Variants in SIPA1L3 observed in about 807,000 individuals in gnomAD.
SIPA1L3 encodes signal-induced proliferation-associated 1-like protein 3.
Under a neutral mutation model 150.1 loss-of-function variants are expected in SIPA1L3, and 59 were observed. That is an observed-to-expected ratio of 0.39 (90% CI 0.32 to 0.49). The LOEUF is 0.49. SIPA1L3 is among the 20% of genes least tolerant of loss of function. The probability of loss-of-function intolerance (pLI) is 0.86; values close to 1 mark genes in which losing one functional copy is unlikely to be tolerated. For synonymous variants in SIPA1L3, 1,070 were observed against 1,077.6 expected, an observed-to-expected ratio of 0.99 and a Z score of 0.14; for missense variants, 2,211 against 2,489.5, an observed-to-expected ratio of 0.89 and a Z score of 2.38.
chr19:38,177,816 A>G (rs911438007), intron 15 of SIPA1L3, among the ~76,000 whole-genome samples: 1 of 152,192 alleles, frequency 6.6e-6, no homozygotes, highest in Non-Finnish European at 1.5e-5. Flanking sequence ...ACTTGAGGCC[A>G]GAAGTTCAAG....
At chr19:37,989,910 G>A (rs952054717) in intron 1 of SIPA1L3, among the ~76,000 whole-genome samples, 12 of 152,098 alleles carry the variant, frequency 7.9e-5, no homozygotes, top group Non-Finnish European at 1.6e-4. Context: ...TTGGCTTCCC[G>A]TGCACTCAGT....
chr19:38,144,242 A>G (rs1323243629), intron 12 of SIPA1L3, among the ~76,000 whole-genome samples: 1 of 152,258 alleles, frequency 6.6e-6, no homozygotes, highest in Non-Finnish European at 1.5e-5. Flanking sequence ...GTGCTTGCGC[A>G]CGTGCATGTA....
chr19:38,152,174 ACACACAGAGTTCTAGCCCAT>A (rs1351041193), intron 12 of SIPA1L3, among the ~76,000 whole-genome samples: 1 of 152,112 alleles, frequency 6.6e-6, no homozygotes, highest in Non-Finnish European at 1.5e-5. Flanking sequence ...GCGTGGTAGA[ACACACAGAGTTCTAGCCCAT>A]CAGCCAGGTG....
At chr19:38,037,944 C>T (rs1968827869) in intron 2 of SIPA1L3, among the ~76,000 whole-genome samples, 1 of 152,136 alleles carries the variant, frequency 6.6e-6, no homozygotes, top group African/African-American at 2.4e-5. Flanking sequence ...CATCTTAAAG[C>T]AGGCACCTTC....
chr19:38,178,086 G>GGTGTGTGTGTGTGT (rs765404105), intron 15 of SIPA1L3, among the ~76,000 whole-genome samples: 4 of 131,012 alleles, frequency 3.1e-5, no homozygotes, highest in East Asian at 2.3e-4. Flanking sequence ...GCAGGCTTTT[G>GGTGTGTGTGTGTGT]GTGTGTGTGT....
At chr19:38,002,073 T>C (rs983523911) in intron 1 of SIPA1L3, among the ~76,000 whole-genome samples, 3 of 152,206 alleles carry the variant, frequency 2.0e-5, no homozygotes, top group African/African-American at 7.2e-5. Flanking sequence ...ACCAAAAAAA[T>C]GTACCTTACG....
intron 9 of SIPA1L3, among the ~76,000 whole-genome samples, 158 bp downstream of exon 9, chr19:38,120,040 G>A (rs1035426762): frequency 6.6e-6 from 1 of 152,214 alleles, no homozygotes; most frequent in Non-Finnish European, 1.5e-5. Flanking sequence ...TGTGGGTTCT[G>A]TAGCTAGGTT....
At chr19:37,992,983 G>C (rs956266013) in intron 1 of SIPA1L3, among the ~76,000 whole-genome samples, 1 of 152,176 alleles carries the variant, frequency 6.6e-6, no homozygotes, top group South Asian at 2.1e-4. Flanking sequence ...GCGTGACCCC[G>C]GCAGGATCCT....
rs912391768 is a variant in SIPA1L3 at position 38,122,695 on chromosome 19, G to A, written c.2868+2813G>A. On this transcript the variant is annotated intron_variant, in intron 9 of 21. Transcript: ENST00000222345. ...TCCCTGTCGACTTCTCTGACCTCATGTCACTGTTGCGCTCTCTGCCCCAGC... is the reference window on the plus strand; with the variant it reads ...TCCCTGTCGACTTCTCTGACCTCATATCACTGTTGCGCTCTCTGCCCCAGC... 2.6e-5 allele frequency among the ~76,000 whole-genome samples: 4 copies of A among 152,128 alleles called. No homozygotes were observed. The South Asian group carries it at 8.3e-4, about 32-fold the overall frequency.
intron 1 of SIPA1L3, among the ~76,000 whole-genome samples, chr19:37,983,214 A>G (rs771083689): frequency 3.3e-5 from 5 of 152,182 alleles, no homozygotes; most frequent in Admixed American, 6.5e-5. Context: ...CTTCTGGGCA[A>G]ATGCCACATC....
chr19:38,062,478 G>A (rs1489527883), intron 2 of SIPA1L3, among the ~76,000 whole-genome samples: 6 of 152,214 alleles, frequency 3.9e-5, no homozygotes, highest in Admixed American at 6.5e-5. Flanking sequence ...TGTGGGCTCA[G>A]TGGAGCCAGG....
intron 1 of SIPA1L3, among the ~76,000 whole-genome samples, chr19:38,024,826 C>T (rs1033542097): frequency 6.6e-6 from 1 of 152,114 alleles, no homozygotes; most frequent in Admixed American, 6.5e-5. Context: ...CCTTCCTGTG[C>T]TGTTAGTTTG....
chr19:38,065,509 G>A (rs1969552892), intron 2 of SIPA1L3, among the ~76,000 whole-genome samples: 2 of 151,264 alleles, frequency 1.3e-5, no homozygotes, highest in African/African-American at 4.9e-5. Context: ...TCCACCTCCT[G>A]GGTTCAAGCA....
Position 38,182,754 on chromosome 19 carries a change from C to A in SIPA1L3, c.4430+14C>A. On this transcript the variant is annotated intron_variant, in intron 16 of 21. Coordinates refer to ENST00000222345, the MANE Select transcript of SIPA1L3 (RefSeq NM_015073.3). Reference sequence around the variant, plus strand: ...TGACCCAAAGAAGTAAGTGCCTGGACGTCCAGCGAGGCGCCCGCCAGATCC... The same window carrying A: ...TGACCCAAAGAAGTAAGTGCCTGGAAGTCCAGCGAGGCGCCCGCCAGATCC... 6.3e-7 allele frequency: 1 copy of A among 1,588,858 alleles called. No individual in the cohort carries two copies. Among genetic ancestry groups the A allele is most frequent in the Non-Finnish European group, 8.6e-7 (1 of 1,165,960 alleles).
At chr19:37,991,254 G>T (rs1967502001) in intron 1 of SIPA1L3, among the ~76,000 whole-genome samples, 1 of 152,154 alleles carries the variant, frequency 6.6e-6, no homozygotes, top group African/African-American at 2.4e-5. Context: ...AAGAAAGAAA[G>T]AAAGTGCTTA....
intron 1 of SIPA1L3, among the ~76,000 whole-genome samples, chr19:37,952,790 G>C (rs2046776456): frequency 6.6e-6 from 1 of 152,206 alleles, no homozygotes; most frequent in African/African-American, 2.4e-5. Flanking sequence ...AGCTTTATGT[G>C]ATCAACAGAC....
At chr19:37,921,807 TGTC>T (rs1369982912) in intron 1 of SIPA1L3, among the ~76,000 whole-genome samples, 4 of 152,050 alleles carry the variant, frequency 2.6e-5, no homozygotes, top group Non-Finnish European at 5.9e-5. Flanking sequence ...CTTGCTATGT[TGTC>T]GTGGCTGGTC....
intron 1 of SIPA1L3, among the ~76,000 whole-genome samples, chr19:37,952,398 C>A (rs1196661640): frequency 6.6e-6 from 1 of 152,256 alleles, no homozygotes; most frequent in South Asian, 2.1e-4. Flanking sequence ...CTCTGCCAGG[C>A]GCAGTGGCTC....
intron 1 of SIPA1L3, among the ~76,000 whole-genome samples, chr19:38,002,684 A>C (rs1967834609): frequency 7.7e-6 from 1 of 130,052 alleles, no homozygotes; most frequent in Non-Finnish European, 1.5e-5. Context: ...ACGCCACTGC[A>C]CTCCAGCCTG....
Sources: gnomAD v4.1 joint callset for allele counts (sites outside exome capture counted in the v4.1 genomes callset) on GRCh38, gnomAD v4.1.1 for gene constraint, MANE v1.5 for transcripts, NCBI Gene and HGNC (gene_info 2026-07-23, HGNC 2026-07-21) for gene names.